CNTNAP2: variants seen among roughly 807,000 people sequenced by gnomAD.
CNTNAP2 encodes contactin associated protein 2.
CNTNAP2 carries 98 observed loss-of-function variants against 155.2 expected under a neutral mutation model. That is an observed-to-expected ratio of 0.63 (90% CI 0.54 to 0.75). The LOEUF (loss-of-function observed/expected upper bound fraction) is 0.75, where lower values mean the gene tolerates loss of function less well. Ranked by LOEUF, CNTNAP2 falls within the 30% of genes least tolerant of loss-of-function variation. The pLI is 0.00. For synonymous variants in CNTNAP2, 651 were observed against 631.2 expected, an observed-to-expected ratio of 1.03 and a Z score of -0.47; for missense variants, 1,727 against 1,688.1, an observed-to-expected ratio of 1.02 and a Z score of -0.40.
At position 146,485,661 on chromosome 7, in the gene CNTNAP2, C is replaced by T. The variant is rs115579126; in HGVS notation, c.98-288610C>T. On this transcript the variant is annotated intron_variant, in intron 1 of 23. Transcript: ENST00000361727. ...ATTTTGAGACAGGGTCTCGCTCTGC[C>T]ATCCAAGCTGGAGTGCAGTGGTGCG... Among the ~76,000 whole-genome samples, 867 of 152,170 alleles carry T rather than the reference C, an allele frequency of 5.7e-3. 6 individuals carry two copies. Among genetic ancestry groups the T allele is most frequent in the African/African-American group, 0.02 (819 of 41,530 alleles).
chr7:147,232,533 A>G (rs1176213990), intron 8 of CNTNAP2, among the ~76,000 whole-genome samples: 1 of 152,200 alleles, frequency 6.6e-6, no homozygotes, highest in Non-Finnish European at 1.5e-5. Flanking sequence ...AAATTTACAC[A>G]CACATTATCA....
intron 1 of CNTNAP2, among the ~76,000 whole-genome samples, chr7:146,502,824 A>C (rs1204042662): frequency 1.3e-5 from 2 of 152,188 alleles, no homozygotes; most frequent in Non-Finnish European, 2.9e-5. Context: ...CATGTTGGCC[A>C]GGCTGGTCTT....
At chr7:148,145,944 C>T (rs1420013443) in intron 16 of CNTNAP2, among the ~76,000 whole-genome samples, 2 of 152,158 alleles carry the variant, frequency 1.3e-5, no homozygotes, top group African/African-American at 4.8e-5. Context: ...ATCAAAATTC[C>T]TTGGTACAAT....
intron 3 of CNTNAP2, among the ~76,000 whole-genome samples, chr7:146,934,092 T>C (rs1024937461): frequency 3.9e-5 from 6 of 152,078 alleles, no homozygotes; most frequent in African/African-American, 1.4e-4. Context: ...TATTACTGGG[T>C]ATATACCCAA....
At chr7:148,177,753 T>C (rs1475350949) in intron 18 of CNTNAP2, among the ~76,000 whole-genome samples, 3 of 152,196 alleles carry the variant, frequency 2.0e-5, no homozygotes, top group Non-Finnish European at 4.4e-5. Context: ...AAGACTCCCT[T>C]TCCTTTCATT....
At chr7:146,756,423 C>T (rs1298964067) in intron 1 of CNTNAP2, among the ~76,000 whole-genome samples, 8 of 151,934 alleles carry the variant, frequency 5.3e-5, no homozygotes, top group Non-Finnish European at 8.8e-5. Context: ...ACTATAAGTA[C>T]CCATATCACT....
chr7:146,189,093 T>C (rs1244193385), intron 1 of CNTNAP2, among the ~76,000 whole-genome samples: 3 of 152,206 alleles, frequency 2.0e-5, no homozygotes, highest in Non-Finnish European at 4.4e-5. Flanking sequence ...TAAATCTATT[T>C]GTAATCATAA....
chr7:148,020,207 C>T (rs1435654201), intron 15 of CNTNAP2, among the ~76,000 whole-genome samples: 2 of 152,226 alleles, frequency 1.3e-5, no homozygotes, highest in Non-Finnish European at 2.9e-5. Flanking sequence ...TACTGGATTA[C>T]ACACCTTTTG....
intron 1 of CNTNAP2, among the ~76,000 whole-genome samples, chr7:146,372,696 A>C (rs961069018): frequency 4.6e-5 from 7 of 152,158 alleles, no homozygotes; most frequent in Admixed American, 3.9e-4. Context: ...GAGTGAGTGA[A>C]GGTTGGTAAT....
At chr7:146,788,195 G>A (rs758166789) in intron 2 of CNTNAP2, among the ~76,000 whole-genome samples, 5 of 152,178 alleles carry the variant, frequency 3.3e-5, no homozygotes, top group African/African-American at 4.8e-5. Flanking sequence ...CCTGGAACCC[G>A]TGTGGCCTGA....
chr7:146,544,420 A>G (rs901764617), intron 1 of CNTNAP2, among the ~76,000 whole-genome samples: 1 of 151,998 alleles, frequency 6.6e-6, no homozygotes, highest in Non-Finnish European at 1.5e-5. Flanking sequence ...TTTCCGCTAC[A>G]TCTTACTGAA....
chr7:147,607,293 T>C (rs377469377), intron 12 of CNTNAP2, among the ~76,000 whole-genome samples: 1 of 152,228 alleles, frequency 6.6e-6, no homozygotes, highest in East Asian at 1.9e-4. Context: ...AGAGAGACTT[T>C]GGTTCACCTT....
rs35385008 is a variant in CNTNAP2 at position 147,563,627 on chromosome 7, C to CAATAAATAAATAAATAAATAAATA, written c.1897+1377_1897+1400dup. ...TTGGTGACAGAGCAAGACTCCATCT[C>CAATAAATAAATAAATAAATAAATA]AATAAATAAATAAATAAATAAATAA... On this transcript the variant is annotated intron_variant, in intron 12 of 23. Coordinates refer to ENST00000361727, the MANE Select transcript of CNTNAP2 (RefSeq NM_014141.6). Among the ~76,000 whole-genome samples, 6 of 149,218 alleles carry CAATAAATAAATAAATAAATAAATA rather than the reference C, an allele frequency of 4.0e-5. 1 individual carries two copies. The highest frequency in any genetic ancestry group is 2.1e-4 in the South Asian group (1 of 4,686).
At chr7:147,994,009 C>T (rs74826196) in intron 15 of CNTNAP2, among the ~76,000 whole-genome samples, 4,017 of 152,206 alleles carry the variant, frequency 0.026, 181 homozygotes, top group African/African-American at 0.092. Flanking sequence ...CTTTCTGGCA[C>T]AATTACACAT....
At position 146,861,384 on chromosome 7, in the gene CNTNAP2, T is replaced by A. The variant is rs1312614997; in HGVS notation, c.402+21480T>A. 3.9e-5 allele frequency among the ~76,000 whole-genome samples: 6 copies of A among 152,186 alleles called. No individual in the cohort carries two copies. In the South Asian group the frequency reaches 6.2e-4, roughly 16 times the overall value. ...TTTCTTGAACACATTTTAAAATTTT[T>A]AAAAATTTACAATTACAATGAACTG... On this transcript the variant is annotated intron_variant, in intron 3 of 23. Transcript: ENST00000361727.
At chr7:148,104,109 G>T (rs917777386) in intron 15 of CNTNAP2, among the ~76,000 whole-genome samples, 1 of 151,994 alleles carries the variant, frequency 6.6e-6, no homozygotes, top group Non-Finnish European at 1.5e-5. Context: ...TCATTTCCTC[G>T]TCTCTCTTTC....
intron 1 of CNTNAP2, among the ~76,000 whole-genome samples, chr7:146,365,799 G>A: frequency 6.6e-6 from 1 of 152,128 alleles, no homozygotes; most frequent in South Asian, 2.1e-4. Flanking sequence ...CATTAGATAT[G>A]AAAACATGTC....
chr7:147,541,945 C>A (rs577986500), intron 11 of CNTNAP2, among the ~76,000 whole-genome samples: 1 of 152,050 alleles, frequency 6.6e-6, no homozygotes, highest in South Asian at 2.1e-4. Context: ...AACAGACATG[C>A]CTATAAATGA....
intron 1 of CNTNAP2, among the ~76,000 whole-genome samples, chr7:146,310,452 A>G (rs538739406): frequency 5.3e-5 from 8 of 152,036 alleles, no homozygotes; most frequent in Non-Finnish European, 1.2e-4. Flanking sequence ...GATAGAGCAT[A>G]TTTTCCTCTT....
Sources: gnomAD v4.1 joint callset for allele counts (sites outside exome capture counted in the v4.1 genomes callset) on GRCh38, gnomAD v4.1.1 for gene constraint, MANE v1.5 for transcripts, NCBI Gene and HGNC (gene_info 2026-07-23, HGNC 2026-07-21) for gene names.